MROH2B: variants seen among roughly 807,000 people sequenced by gnomAD.
The protein encoded by MROH2B is maestro heat-like repeat-containing protein family member 2B.
In MROH2B, 177 loss-of-function variants were observed where a neutral mutation model predicts 208.6. That is an observed-to-expected ratio of 0.85 (90% CI 0.75 to 0.96). The LOEUF is 0.96. MROH2B is among the 40% of genes least tolerant of loss of function. The pLI is 0.00. For synonymous variants in MROH2B, 728 were observed against 659.0 expected (o/e 1.10, Z -1.60); for missense variants, 2,002 against 1,878.7 (o/e 1.07, Z -1.21).
In MROH2B at chr5:41,017,985, A is replaced by T. The variant is rs375158827; in HGVS notation, c.2764-15T>A. 1.6e-5 allele frequency: 25 copies of T among 1,568,492 alleles called. No homozygotes were observed. In the African/African-American group the frequency reaches 2.3e-4, roughly 14 times the overall value. ...TTCTCTGGTGCCTGCAGGATAAAGGAGGCATCCTATTGTGATGGGGTAGCT... is the reference window on the plus strand; with the variant it reads ...TTCTCTGGTGCCTGCAGGATAAAGGTGGCATCCTATTGTGATGGGGTAGCT... On this transcript the variant is annotated splice_polypyrimidine_tract_variant and intron_variant, in intron 27 of 41. Transcript: ENST00000399564.
intron 1 of MROH2B, among the ~76,000 whole-genome samples, 160 bp downstream of exon 1, chr5:41,070,665 A>G (rs960403197): frequency 6.6e-6 from 1 of 152,150 alleles, no homozygotes; most frequent in South Asian, 2.1e-4. Flanking sequence ...CACAATCAGC[A>G]TGATTTTATT....
chr5:41,057,297 T>G lies in MROH2B; in HGVS notation c.820A>C (p.Arg274=), dbSNP rs1221589135. The change falls in exon 8 of 42, where the codon AGA becomes CGA. Residue 274 remains arginine, a synonymous_variant. Coordinates refer to ENST00000399564, the MANE Select transcript of MROH2B (RefSeq NM_173489.5). The stretch of plus-strand genomic sequence containing the variant: ...TGGAGTAAATTGATAAAGATGGATC[T>G]TCTCAAGCTCCTTGGAAGGCCAATG... The part of the protein sequence containing the change: ...YDIGLPRSLR[R]SIFINLLQQI... 1.3e-6 allele frequency: 2 copies of G among 1,597,996 alleles called. No homozygotes were observed. The highest frequency in any genetic ancestry group is 1.7e-6 in the Non-Finnish European group (2 of 1,171,532).
At chr5:41,039,689 C>T (rs1467538210) in intron 19 of MROH2B, 134 bp from the exon 20 acceptor site, 4 of 578,798 alleles carry the variant, frequency 6.9e-6, no homozygotes, top group African/African-American at 3.8e-5. Context: ...TACCAAAGTC[C>T]CCATCTTTGT....
At chr5:41,041,446 G>A (rs1455145822) in intron 19 of MROH2B, among the ~76,000 whole-genome samples, 1 of 152,132 alleles carries the variant, frequency 6.6e-6, no homozygotes, top group African/African-American at 2.4e-5. Context: ...GGCCAACATG[G>A]CGAAACCCTA....
chr5:41,043,062 C>T (rs1743004026), intron 18 of MROH2B, among the ~76,000 whole-genome samples: 1 of 152,196 alleles, frequency 6.6e-6, no homozygotes. Context: ...GCACAGCTGG[C>T]AGGACTTTTC....
At position 41,039,461 on chromosome 5, in the gene MROH2B, A is replaced by C. The variant is rs1742875324; in HGVS notation, c.2048T>G (p.Met683Arg). The C allele has an allele frequency of 6.3e-7, 1 of 1,589,976 alleles. No homozygotes were observed. Among genetic ancestry groups the C allele is most frequent in the African/African-American group, 1.3e-5 (1 of 74,554 alleles). Residue 683 changes from methionine (M) to arginine (R), a missense_variant, in exon 20 of 42, where the codon ATG becomes AGG. By Grantham distance (91) the Met-to-Arg change is moderately conservative. Coordinates refer to ENST00000399564, the MANE Select transcript of MROH2B (RefSeq NM_173489.5). Reference sequence around the variant, plus strand: ...GATTCTTCTTACCTTACATCGATTCATGAAAAACTTTTCCTGATTTTGGAA... The same window carrying C: ...GATTCTTCTTACCTTACATCGATTCCTGAAAAACTTTTCCTGATTTTGGAA... ...KTFQNQEKFF[M>R]NRCKSLFSGK...
At chr5:41,036,789 GA>G (rs527256137) in intron 21 of MROH2B, among the ~76,000 whole-genome samples, 19 of 151,654 alleles carry the variant, frequency 1.3e-4, no homozygotes, top group South Asian at 4.2e-4. Flanking sequence ...TCTAAAAGTT[GA>G]AAAAAAATTC....
intron 24 of MROH2B, among the ~76,000 whole-genome samples, chr5:41,032,502 T>C (rs13153833): frequency 0.19 from 29,274 of 151,982 alleles, 3,120 homozygotes; most frequent in South Asian, 0.33. Context: ...TCCTCATATA[T>C]TAATACATAT....
intron 29 of MROH2B, among the ~76,000 whole-genome samples, chr5:41,015,010 T>C (rs1414787665): frequency 1.3e-5 from 2 of 152,202 alleles, no homozygotes; most frequent in Admixed American, 1.3e-4. Context: ...AGTGATTGAA[T>C]TGATTGGCCA....
At chr5:41,047,581 T>C (rs1353582499) in intron 17 of MROH2B, 140 bp downstream of exon 17, 1 of 750,470 alleles carries the variant, frequency 1.3e-6, no homozygotes, top group East Asian at 2.7e-5. Flanking sequence ...AGTGATCACT[T>C]CTAACATTCT....
rs1332477411 is a variant in MROH2B, at chr5:41,057,340, A to G, written c.777T>C (p.Thr259=). ...HVTQSLKQIL[T]AAVLYDIGLP... ...GGCCAATGTCATAAAGAACTGCTGCAGTCAGTATTTGTTTTAGGCTCTAAA... is the reference window on the plus strand; with the variant it reads ...GGCCAATGTCATAAAGAACTGCTGCGGTCAGTATTTGTTTTAGGCTCTAAA... The change falls in exon 8 of 42, where the codon ACT becomes ACC. Residue 259 remains threonine, a synonymous_variant. Transcript: ENST00000399564. The G allele has an allele frequency of 1.9e-6, 3 of 1,579,838 alleles. No homozygotes were observed.
At chr5:41,030,615 A>G (rs1742534850) in intron 24 of MROH2B, among the ~76,000 whole-genome samples, 1 of 152,122 alleles carries the variant, frequency 6.6e-6, no homozygotes, top group Non-Finnish European at 1.5e-5. Context: ...AGGATATAGG[A>G]AAAACAATAC....
intron 21 of MROH2B, among the ~76,000 whole-genome samples, chr5:41,036,128 A>G (rs1303756067): frequency 3.4e-5 from 4 of 116,804 alleles, no homozygotes; most frequent in Non-Finnish European, 5.6e-5. Flanking sequence ...TATATTATAT[A>G]TACACACACA....
At chr5:41,044,737 G>A (rs983313981) in intron 18 of MROH2B, among the ~76,000 whole-genome samples, 5 of 152,192 alleles carry the variant, frequency 3.3e-5, no homozygotes, top group East Asian at 1.9e-4. Flanking sequence ...AATTACATAT[G>A]TGAGTTGAAG....
At chr5:41,005,474 A>T (rs1741556005) in intron 35 of MROH2B, 57 bp downstream of exon 35, 1 of 1,077,910 alleles carries the variant, frequency 9.3e-7, no homozygotes, top group African/African-American at 1.8e-5. Context: ...TCCAGACCAT[A>T]AGAGAAATAC....
intron 37 of MROH2B, among the ~76,000 whole-genome samples, chr5:41,001,690 C>A (rs1741401424): frequency 6.6e-6 from 1 of 151,514 alleles, no homozygotes; most frequent in South Asian, 2.1e-4. Flanking sequence ...GCATTCCAGC[C>A]CGGGTGACAG....
chr5:41,068,686 T>A (rs1743885176), intron 2 of MROH2B, among the ~76,000 whole-genome samples: 1 of 151,250 alleles, frequency 6.6e-6, no homozygotes, highest in Non-Finnish European at 1.5e-5. Flanking sequence ...CTGGAAATTC[T>A]CCTTCAATGT....
In MROH2B at chr5:41,018,834, A is replaced by G. The variant is rs375621313; in HGVS notation, c.2578-48T>C. 2.0e-5 allele frequency: 32 copies of G among 1,613,620 alleles called. No individual in the cohort carries two copies. The Admixed American group carries it at 4.5e-4, about 23-fold the overall frequency. Reference sequence around the variant, plus strand: ...GAGTCTCAGGCTGGGGTGAGAGAGTAAGGCCCCACTGCAGACTGTCATCCT... The same window carrying G: ...GAGTCTCAGGCTGGGGTGAGAGAGTGAGGCCCCACTGCAGACTGTCATCCT... On this transcript the variant is annotated intron_variant, in intron 25 of 41. Coordinates refer to ENST00000399564, the MANE Select transcript of MROH2B (RefSeq NM_173489.5).
intron 19 of MROH2B, among the ~76,000 whole-genome samples, chr5:41,041,823 A>G (rs1742963234): frequency 6.6e-6 from 1 of 152,170 alleles, no homozygotes; most frequent in Non-Finnish European, 1.5e-5. Context: ...GATGCTCACA[A>G]TCATGCTCTA....
Sources: gnomAD v4.1 joint callset for allele counts (sites outside exome capture counted in the v4.1 genomes callset) on GRCh38, gnomAD v4.1.1 for gene constraint, MANE v1.5 for transcripts, NCBI Gene and HGNC (gene_info 2026-07-23, HGNC 2026-07-21) for gene names.